The following CNDP1 variants were observed in gnomAD, a reference collection of about 807,000 sequenced individuals.
CNDP1 encodes the protein carnosine dipeptidase 1, also known as beta-Ala-His dipeptidase.
In CNDP1, 44 loss-of-function variants were observed where a neutral mutation model predicts 58.1. The ratio of observed to expected loss-of-function variants is 0.76; its 90% CI spans 0.60 to 0.97. CNDP1 has a LOEUF of 0.97. CNDP1 is among the 50% of genes least tolerant of loss of function. CNDP1 has a pLI of 0.00. For synonymous variants in CNDP1, 254 were observed against 252.6 expected (o/e 1.01, Z -0.05); for missense variants, 616 against 655.1 (o/e 0.94, Z 0.65).
chr18:74,558,862 T>C (rs1266065884), intron 2 of CNDP1, among the ~76,000 whole-genome samples: 2 of 152,076 alleles, frequency 1.3e-5, no homozygotes, highest in African/African-American at 2.4e-5. Flanking sequence ...ATGCAGAGCA[T>C]GTTAGGAGGG....
At chr18:74,569,069 G>C (rs930924736) in intron 6 of CNDP1, among the ~76,000 whole-genome samples, 1 of 152,156 alleles carries the variant, frequency 6.6e-6, no homozygotes, top group Non-Finnish European at 1.5e-5. Flanking sequence ...ACGTCTTAAT[G>C]AAGACCGAGA....
At chr18:74,548,215 G>A (rs1211653849) in intron 1 of CNDP1, among the ~76,000 whole-genome samples, 2 of 152,226 alleles carry the variant, frequency 1.3e-5, no homozygotes, top group African/African-American at 4.8e-5. Flanking sequence ...CAAATCTCAT[G>A]TTGAGATGTG....
chr18:74,534,739 T>C lies in CNDP1; in HGVS notation c.24+48T>C, dbSNP rs748117122. The C allele has an allele frequency of 3.1e-6, 5 of 1,610,766 alleles. No homozygotes were observed. In the Admixed American group the frequency reaches 6.7e-5, roughly 21 times the overall value. On this transcript the variant is annotated intron_variant, in intron 1 of 11. Coordinates refer to ENST00000358821, the MANE Select transcript of CNDP1 (RefSeq NM_032649.6). Reference sequence around the variant, plus strand: ...GAGTCCGTGCATTGGGTGCCAGAATTCCATTTGTCCCGGGAGCATGTGCGT... The same window carrying C: ...GAGTCCGTGCATTGGGTGCCAGAATCCCATTTGTCCCGGGAGCATGTGCGT...
intron 7 of CNDP1, among the ~76,000 whole-genome samples, chr18:74,572,414 G>C (rs1599099429): frequency 6.6e-6 from 1 of 152,182 alleles, no homozygotes; most frequent in Admixed American, 6.5e-5. Context: ...TTTTAAAAAA[G>C]AGGTTCACAC....
At position 74,576,894 on chromosome 18, in the gene CNDP1, T is replaced by C. The variant is rs764464728; in HGVS notation, c.867T>C (p.His289=). ...GTAGCCTGGTAGACTCGTCTGGTCA[T>C]ATCCTGGTCCCTGGAATCTATGATG... ...LLGSLVDSSG[H]ILVPGIYDEV... The change falls in exon 8 of 12, where the codon CAT becomes CAC. Residue 289 remains histidine (H), a synonymous_variant. Coordinates refer to ENST00000358821, the MANE Select transcript of CNDP1 (RefSeq NM_032649.6). The C allele has an allele frequency of 4.3e-6, 7 of 1,613,032 alleles. No individual in the cohort carries two copies. The Admixed American group carries it at 8.3e-5, about 19-fold the overall frequency.
At chr18:74,551,191 C>T (rs1261406292) in intron 1 of CNDP1, among the ~76,000 whole-genome samples, 2 of 152,064 alleles carry the variant, frequency 1.3e-5, no homozygotes, top group African/African-American at 2.4e-5. Context: ...TCCTTGAGAC[C>T]TCCTCACAAG....
At chr18:74,563,966 A>G (rs1981265245) in intron 5 of CNDP1, among the ~76,000 whole-genome samples, 1 of 152,232 alleles carries the variant, frequency 6.6e-6, no homozygotes, top group South Asian at 2.1e-4. Flanking sequence ...ACCTTCAGAT[A>G]TTAAGATTTC....
intron 3 of CNDP1, among the ~76,000 whole-genome samples, chr18:74,560,583 T>C (rs1392546208): frequency 1.3e-5 from 2 of 152,004 alleles, no homozygotes; most frequent in Admixed American, 6.6e-5. Flanking sequence ...TGCACGTCTG[T>C]AGTCTCAGCT....
chr18:74,578,146 A>C lies in CNDP1; in HGVS notation c.1003-17A>C. ...GTTCTAATTAAGCATCCTTTGGATA[A>C]TTTTATTTTAATATAGGAGGAGATT... On this transcript the variant is annotated splice_polypyrimidine_tract_variant and intron_variant, in intron 8 of 11. Transcript: ENST00000358821. 6.3e-7 allele frequency: 1 copy of C among 1,596,906 alleles called. No homozygotes were observed. The highest frequency in any genetic ancestry group is 2.2e-5 in the East Asian group (1 of 44,728).
intron 6 of CNDP1, among the ~76,000 whole-genome samples, chr18:74,570,827 A>AT (rs1417938030): frequency 1.3e-5 from 2 of 152,184 alleles, no homozygotes; most frequent in Non-Finnish European, 2.9e-5. Context: ...AGGGAAGAGA[A>AT]TTTTTCCAGA....
At chr18:74,560,092 C>T (rs564564186) in intron 3 of CNDP1, among the ~76,000 whole-genome samples, 1 of 149,724 alleles carries the variant, frequency 6.7e-6, no homozygotes. Flanking sequence ...TCACTGCAAC[C>T]TCCGCCTCCC....
At chr18:74,565,778 T>C (rs1185637880) in intron 5 of CNDP1, among the ~76,000 whole-genome samples, 1 of 152,152 alleles carries the variant, frequency 6.6e-6, no homozygotes, top group Non-Finnish European at 1.5e-5. Context: ...TGTCAGTGGA[T>C]CTACCATTCT....
intron 1 of CNDP1, among the ~76,000 whole-genome samples, chr18:74,555,312 C>T (rs1459142713): frequency 6.6e-6 from 1 of 152,126 alleles, no homozygotes; most frequent in African/African-American, 2.4e-5. Flanking sequence ...GGTGGCTTTC[C>T]TAGCCAAGAA....
At chr18:74,562,681 AG>A (rs1258200146) in intron 5 of CNDP1, among the ~76,000 whole-genome samples, 1 of 152,206 alleles carries the variant, frequency 6.6e-6, no homozygotes, top group Non-Finnish European at 1.5e-5. Context: ...AGTCCAAATA[AG>A]GGCTCTGGAG....
chr18:74,575,385 A>G (rs192586155), intron 7 of CNDP1, among the ~76,000 whole-genome samples: 4 of 152,360 alleles, frequency 2.6e-5, no homozygotes, highest in Non-Finnish European at 2.9e-5. Context: ...GTTTAGGGAC[A>G]TATGCTCAAG....
At chr18:74,546,329 A>T (rs942136503) in intron 1 of CNDP1, among the ~76,000 whole-genome samples, 4 of 152,084 alleles carry the variant, frequency 2.6e-5, no homozygotes, top group African/African-American at 9.7e-5. Context: ...TCATACCCTG[A>T]CACTGCGAGC....
intron 1 of CNDP1, among the ~76,000 whole-genome samples, chr18:74,536,248 A>C (rs184107384): frequency 6.6e-6 from 1 of 152,086 alleles, no homozygotes; most frequent in African/African-American, 2.4e-5. Flanking sequence ...CCCAGGTATT[A>C]AGCCTAGTAC....
At chr18:74,557,849 C>T (rs911677214) in intron 2 of CNDP1, among the ~76,000 whole-genome samples, 1 of 152,232 alleles carries the variant, frequency 6.6e-6, no homozygotes, top group Non-Finnish European at 1.5e-5. Flanking sequence ...TAAATCTGAC[C>T]TTCATGCAAT....
intron 1 of CNDP1, among the ~76,000 whole-genome samples, chr18:74,539,093 C>T (rs1253763571): frequency 2.0e-5 from 3 of 151,656 alleles, no homozygotes; most frequent in East Asian, 1.9e-4. Flanking sequence ...CCTGTTAAAG[C>T]TAAACAGGGA....
Sources: allele counts gnomAD v4.1 joint callset (sites outside exome capture counted in the v4.1 genomes callset), GRCh38; gene constraint gnomAD v4.1.1; transcripts MANE v1.5; gene names NCBI Gene and HGNC (gene_info 2026-07-23, HGNC 2026-07-21).